MYBPC1: variants seen among roughly 807,000 people sequenced by gnomAD.
MYBPC1 encodes myosin binding protein C1, also known as myosin-binding protein C, slow-type.
In MYBPC1, 52 loss-of-function variants were observed where a neutral mutation model predicts 147.1. The ratio of observed to expected loss-of-function variants is 0.35; its 90% CI spans 0.28 to 0.45. MYBPC1 has a LOEUF of 0.45. MYBPC1 is among the 20% of genes least tolerant of loss of function. MYBPC1 has a pLI of 1.00. For missense variants in MYBPC1, 1,228 were observed against 1,440.3 expected, an observed-to-expected ratio of 0.85 and a Z score of 2.39; for synonymous variants, 477 against 475.9, an observed-to-expected ratio of 1.00 and a Z score of -0.03.
intron 24 of MYBPC1, 134 bp from the exon 25 acceptor site, chr12:101,673,293 A>T: frequency 1.2e-6 from 1 of 837,724 alleles, no homozygotes; most frequent in Non-Finnish European, 2.0e-6. Flanking sequence ...GTAATTGCTC[A>T]CCACCAGACT....
intron 27 of MYBPC1, 136 bp from the exon 28 acceptor site, chr12:101,677,966 A>G: frequency 9.0e-7 from 1 of 1,112,644 alleles, no homozygotes; most frequent in Non-Finnish European, 1.3e-6. Context: ...AATGTTTGCC[A>G]CATGGCATTT....
intron 11 of MYBPC1, among the ~76,000 whole-genome samples, chr12:101,643,466 A>T (rs960384783): frequency 6.6e-6 from 1 of 152,172 alleles, no homozygotes; most frequent in Admixed American, 6.5e-5. Context: ...GTTATCACTT[A>T]GCTCTGAATT....
chr12:101,608,465 A>G (rs1883074001), intron 1 of MYBPC1, among the ~76,000 whole-genome samples: 1 of 152,256 alleles, frequency 6.6e-6, no homozygotes, highest in Non-Finnish European at 1.5e-5. Context: ...CCTAGCAAGA[A>G]TGTTCCACAG....
rs1388642142 is a variant in MYBPC1 at position 101,678,252 on chromosome 12, C to T, written c.3246+14C>T. ...GGAAATCCTAAGGTACCATGTTCTT[C>T]TATCACATCAGTTAAAGTCCCTGTC... On this transcript the variant is annotated intron_variant, in intron 28 of 31. Transcript: ENST00000361466. 1.2e-6 allele frequency: 2 copies of T among 1,613,812 alleles called. No individual in the cohort carries two copies. Among genetic ancestry groups the T allele is most frequent in the Admixed American group, 1.7e-5 (1 of 60,030 alleles).
At chr12:101,626,796 T>C in intron 3 of MYBPC1, 76 bp from the exon 4 acceptor site, 7 of 1,262,026 alleles carry the variant, frequency 5.5e-6, no homozygotes, top group Non-Finnish European at 8.1e-6. Flanking sequence ...ATCTTCTTTT[T>C]CAGATTTCTC....
At chr12:101,671,327 A>T (rs757148589) in intron 24 of MYBPC1, among the ~76,000 whole-genome samples, 59 of 103,312 alleles carry the variant, frequency 5.7e-4, no homozygotes, top group African/African-American at 1.1e-3. Flanking sequence ...ACACACACAC[A>T]CACACACACA....
At chr12:101,651,689 C>A (rs929837509) in intron 16 of MYBPC1, among the ~76,000 whole-genome samples, 2 of 152,248 alleles carry the variant, frequency 1.3e-5, no homozygotes, top group Admixed American at 1.3e-4. Flanking sequence ...GCCTGTAATC[C>A]CAACACTTTG....
chr12:101,662,831 A>G (rs186296464), intron 21 of MYBPC1, among the ~76,000 whole-genome samples: 40 of 152,334 alleles, frequency 2.6e-4, no homozygotes, highest in Admixed American at 2.0e-3. Context: ...TGCTGAGTCC[A>G]TGGACATGTG....
At chr12:101,619,778 CAT>C (rs1239062057) in intron 3 of MYBPC1, among the ~76,000 whole-genome samples, 1 of 152,144 alleles carries the variant, frequency 6.6e-6, no homozygotes, top group African/African-American at 2.4e-5. Context: ...AATTGGTTGA[CAT>C]ATATTCAATT....
At chr12:101,612,205 A>G (rs1355763991) in intron 1 of MYBPC1, among the ~76,000 whole-genome samples, 1 of 152,228 alleles carries the variant, frequency 6.6e-6, no homozygotes, top group Non-Finnish European at 1.5e-5. Flanking sequence ...TCTACATAGC[A>G]GGAACTACCC....
intron 10 of MYBPC1, 122 bp downstream of exon 10, chr12:101,636,850 G>C: frequency 1.2e-6 from 1 of 817,102 alleles, no homozygotes; most frequent in Non-Finnish European, 2.1e-6. Flanking sequence ...AATGTGTTTT[G>C]CTTATAGAAT....
intron 1 of MYBPC1, among the ~76,000 whole-genome samples, chr12:101,598,610 G>A (rs1282792262): frequency 6.6e-6 from 1 of 151,918 alleles, no homozygotes; most frequent in African/African-American, 2.4e-5. Flanking sequence ...GTCTCATTCT[G>A]TCACCCAGGC....
At chr12:101,669,938 A>G in intron 23 of MYBPC1, 4 of 152,804 alleles carry the variant, frequency 2.6e-5, no homozygotes, top group South Asian at 8.0e-5. Context: ...GAAAAAAAAA[A>G]AGAAAAAAAA....
intron 10 of MYBPC1, 142 bp from the exon 11 acceptor site, chr12:101,642,277 A>G: frequency 1.2e-6 from 1 of 844,398 alleles, no homozygotes; most frequent in Non-Finnish European, 2.0e-6. Flanking sequence ...AGCAAGCAAG[A>G]CTTGACTTCT....
At chr12:101,601,737 TTG>T (rs1434308265) in intron 1 of MYBPC1, among the ~76,000 whole-genome samples, 7 of 152,028 alleles carry the variant, frequency 4.6e-5, no homozygotes, top group African/African-American at 1.7e-4. Context: ...TTCTTTTTTT[TTG>T]ATGTGTATTT....
intron 1 of MYBPC1, among the ~76,000 whole-genome samples, chr12:101,595,491 T>A (rs914181507): frequency 6.6e-6 from 1 of 152,210 alleles, no homozygotes; most frequent in Non-Finnish European, 1.5e-5. Flanking sequence ...AGACTTAAAA[T>A]ATTTTCTCAA....
At chr12:101,632,466 T>C (rs1339709093) in intron 8 of MYBPC1, among the ~76,000 whole-genome samples, 1 of 152,158 alleles carries the variant, frequency 6.6e-6, no homozygotes, top group Non-Finnish European at 1.5e-5. Context: ...GGTTTGGGGA[T>C]AGGGTAATAT....
At chr12:101,614,667 T>C (rs1885407900) in intron 2 of MYBPC1, 136 bp downstream of exon 2, 2 of 834,864 alleles carry the variant, frequency 2.4e-6, no homozygotes, top group Non-Finnish European at 4.0e-6. Context: ...TGGTGACCAT[T>C]GTGATAAGTT....
chr12:101,644,180 G>T (rs953894268), intron 11 of MYBPC1, among the ~76,000 whole-genome samples: 1 of 152,062 alleles, frequency 6.6e-6, no homozygotes, highest in Non-Finnish European at 1.5e-5. Flanking sequence ...GGGATTACAG[G>T]CATGCACCAC....
Sources: gnomAD v4.1 joint callset for allele counts (sites outside exome capture counted in the v4.1 genomes callset) on GRCh38, gnomAD v4.1.1 for gene constraint, MANE v1.5 for transcripts, NCBI Gene and HGNC (gene_info 2026-07-23, HGNC 2026-07-21) for gene names.